The following MYOM2 variants were observed in gnomAD, a reference collection of about 807,000 sequenced individuals.
MYOM2 encodes the protein myomesin 2, also known as myomesin-2.
MYOM2 carries 254 observed loss-of-function variants against 187.6 expected under a neutral mutation model. The observed-to-expected ratio is 1.35, with a 90% CI of 1.22 to 1.50. MYOM2 has a LOEUF of 1.50. Ranked by LOEUF, MYOM2 falls within the 40% of genes most tolerant of loss-of-function variation. MYOM2 has a pLI of 0.00. For missense variants in MYOM2, 2,796 were observed against 1,924.0 expected (o/e 1.45, Z -8.48); for synonymous variants, 981 against 753.8 (o/e 1.30, Z -4.94).
At chr8:2,046,191 AG>A (rs1054921912) in intron 1 of MYOM2, among the ~76,000 whole-genome samples, 1 of 152,218 alleles carries the variant, frequency 6.6e-6, no homozygotes, top group Non-Finnish European at 1.5e-5. Flanking sequence ...ATTAAGTGGA[AG>A]TCAATGTTTT....
intron 32 of MYOM2, among the ~76,000 whole-genome samples, chr8:2,133,222 A>G (rs1047117964): frequency 1.3e-5 from 2 of 152,182 alleles, no homozygotes; most frequent in African/African-American, 4.8e-5. Context: ...GCTCTTCCCA[A>G]AGGAGGTCTG....
At chr8:2,120,687 TAAATATATA>T (rs1563069106) in intron 28 of MYOM2, among the ~76,000 whole-genome samples, 3 of 86,136 alleles carry the variant, frequency 3.5e-5, no homozygotes, top group South Asian at 3.0e-4. Context: ...ATATTATATA[TAAATATATA>T]ATATATATAT....
intron 8 of MYOM2, among the ~76,000 whole-genome samples, chr8:2,070,804 C>A (rs1438783589): frequency 6.6e-6 from 1 of 152,188 alleles, no homozygotes; most frequent in Non-Finnish European, 1.5e-5. Context: ...AACCATTGTA[C>A]ATAACACAAT....
At chr8:2,108,914 A>G in intron 24 of MYOM2, 84 bp downstream of exon 24, 1 of 1,376,566 alleles carries the variant, frequency 7.3e-7, no homozygotes, top group South Asian at 1.2e-5. Flanking sequence ...TCTTGGAAGA[A>G]CAGCTTTGGG....
rs1414072846 is a variant in MYOM2, at chr8:2,085,649, C to T, written c.1644+259C>T. Among the ~76,000 whole-genome samples, 9 of 6,924 alleles carry T rather than the reference C, an allele frequency of 1.3e-3. 4 individuals carry two copies. The highest frequency in any genetic ancestry group is 3.7e-3 in the African/African-American group (2 of 544). 4.5% of individuals were successfully genotyped at this position (6,924 alleles called of 152,430 possible). ...ACAGTCGTGATCTCTTTGTGGCCCC[C>T]CACTGTCGTGATCTCTGCGTGGCCC... On this transcript the variant is annotated intron_variant, in intron 14 of 36. Coordinates refer to ENST00000262113, the MANE Select transcript of MYOM2 (RefSeq NM_003970.4).
chr8:2,045,912 C>T (rs1818297953), intron 1 of MYOM2, among the ~76,000 whole-genome samples: 1 of 152,254 alleles, frequency 6.6e-6, no homozygotes, highest in Non-Finnish European at 1.5e-5. Context: ...TCACTGGGAA[C>T]ACCTGGCCTT....
chr8:2,048,749 A>G (rs1818386143), intron 1 of MYOM2, among the ~76,000 whole-genome samples: 2 of 151,684 alleles, frequency 1.3e-5, no homozygotes, highest in African/African-American at 4.8e-5. Context: ...TGGAGGAGAT[A>G]TGCTTTTATT....
At chr8:2,059,551 C>G (rs559025333) in intron 6 of MYOM2, among the ~76,000 whole-genome samples, 31 of 152,230 alleles carry the variant, frequency 2.0e-4, no homozygotes, top group African/African-American at 6.5e-4. Flanking sequence ...CACCTCCTGC[C>G]AGGTTCGAGA....
Position 2,052,314 on chromosome 8 carries a change from G to A in MYOM2, c.263+1G>A. ...ATGAGGAGCAGGAGAACAGAAGCAG[G>A]TGAGCACATGGCTTCCCTGACTCCA... On this transcript the variant is annotated splice_donor_variant, in intron 3 of 36. Transcript: ENST00000262113. LOFTEE classifies it high-confidence loss of function. 2 of 1,597,606 alleles carry A rather than the reference G, an allele frequency of 1.3e-6. No homozygotes were observed. Among genetic ancestry groups the A allele is most frequent in the Non-Finnish European group, 1.7e-6 (2 of 1,171,390 alleles).
At chr8:2,063,755 T>C (rs1818923734) in intron 6 of MYOM2, among the ~76,000 whole-genome samples, 1 of 152,260 alleles carries the variant, frequency 6.6e-6, no homozygotes, top group Non-Finnish European at 1.5e-5. Flanking sequence ...ACCTTATGGC[T>C]GCCCATCTTT....
intron 19 of MYOM2, among the ~76,000 whole-genome samples, chr8:2,100,151 T>G: frequency 6.9e-6 from 1 of 144,992 alleles, no homozygotes; most frequent in South Asian, 2.2e-4. Context: ...CTTCCTTCCT[T>G]CCTTCCTTCC....
At position 2,078,777 on chromosome 8, in the gene MYOM2, C is replaced by A. The variant is rs368921952; in HGVS notation, c.1306C>A (p.Pro436Thr). The change falls in exon 12 of 37, where the codon CCG becomes ACG. Residue 436 changes from proline (P) to threonine (T), a missense_variant. Pro to Thr is a conservative substitution (Grantham distance 38). Transcript: ENST00000262113. ...TNNWVQCNDA[P>T]VKICKYPVTG... ...TAATTGGGTGCAGTGCAATGATGCACCGGTGAAAATCTGCAAATACCCGGT... is the reference window on the plus strand; with the variant it reads ...TAATTGGGTGCAGTGCAATGATGCAACGGTGAAAATCTGCAAATACCCGGT... 8 of 1,613,978 alleles carry A rather than the reference C, an allele frequency of 5.0e-6. No individual in the cohort carries two copies. The highest frequency in any genetic ancestry group is 6.8e-6 in the Non-Finnish European group (8 of 1,180,046).
At chr8:2,074,466 T>C (rs1210684181) in intron 10 of MYOM2, among the ~76,000 whole-genome samples, 2 of 152,050 alleles carry the variant, frequency 1.3e-5, no homozygotes, top group Non-Finnish European at 2.9e-5. Context: ...TTTTTAGTTT[T>C]GTTTTTGAGA....
chr8:2,092,213 AC>A, intron 15 of MYOM2, 132 bp from the exon 16 acceptor site: 1 of 1,063,508 alleles, frequency 9.4e-7, no homozygotes, highest in African/African-American at 1.6e-5. Flanking sequence ...CTACTCCTGG[AC>A]CCCTTGTCTG....
chr8:2,090,032 CAG>C lies in MYOM2; in HGVS notation c.1674_1675del (p.Arg558SerfsTer16), dbSNP rs1341060663. On this transcript the variant is annotated frameshift_variant, in exon 15 of 37. Transcript: ENST00000262113. LOFTEE classifies it high-confidence loss of function. Reference protein sequence around the residue: ...EKSVVGSGSWQRVNAQTAVRS... With the variant: ...EKSVVGSGSWXRVNAQTAVRS... ...GTCCGTGGTGGGGAGCGGCAGCTGG[CAG>C]AGAGTCAACGCCCAGACGGCTGTGA... is the stretch of plus-strand genomic sequence containing the variant. The C allele has an allele frequency of 6.2e-7, 1 of 1,613,628 alleles. No individual in the cohort carries two copies. The highest frequency in any genetic ancestry group is 1.3e-5 in the African/African-American group (1 of 74,880).
At chr8:2,139,331 G>C (rs1358833905) in intron 32 of MYOM2, among the ~76,000 whole-genome samples, 2 of 151,722 alleles carry the variant, frequency 1.3e-5, no homozygotes, top group Non-Finnish European at 2.9e-5. Flanking sequence ...TGTTGAGACA[G>C]GGTCTTGCTT....
chr8:2,059,312 A>G lies in MYOM2; in HGVS notation c.653+67A>G, dbSNP rs542538796. 8 of 1,446,902 alleles carry G rather than the reference A, an allele frequency of 5.5e-6. No individual in the cohort carries two copies. In the African/African-American group the frequency reaches 1.1e-4, roughly 20 times the overall value. 89.6% of individuals were successfully genotyped at this position (1,446,902 alleles called of 1,614,324 possible). On this transcript the variant is annotated intron_variant, in intron 6 of 36. Transcript: ENST00000262113. ...TCAGCATTGCAGACCCCAAAGAAGAAGTCAGATGGGTAACTGGAGGCCAAA... is the reference window on the plus strand; with the variant it reads ...TCAGCATTGCAGACCCCAAAGAAGAGGTCAGATGGGTAACTGGAGGCCAAA...
chr8:2,116,760 AT>A (rs201729546), intron 27 of MYOM2, among the ~76,000 whole-genome samples: 2 of 151,996 alleles, frequency 1.3e-5, no homozygotes, highest in Admixed American at 1.3e-4. Context: ...TATTCAAAGA[AT>A]TTTTTTTCTT....
At chr8:2,055,205 G>A (rs2129328441) in intron 3 of MYOM2, among the ~76,000 whole-genome samples, 1 of 152,268 alleles carries the variant, frequency 6.6e-6, no homozygotes, top group African/African-American at 2.4e-5. Context: ...TTCCCGCTTT[G>A]TTGGGATTCA....
Sources: allele counts gnomAD v4.1 joint callset (sites outside exome capture counted in the v4.1 genomes callset), GRCh38; gene constraint gnomAD v4.1.1; transcripts MANE v1.5; gene names NCBI Gene and HGNC (gene_info 2026-07-23, HGNC 2026-07-21).